The following TGFA variants were observed in gnomAD, a reference collection of about 807,000 sequenced individuals.
The protein encoded by TGFA is protransforming growth factor alpha.
TGFA carries 12 observed loss-of-function variants against 21.7 expected under a neutral mutation model. The ratio of observed to expected loss-of-function variants is 0.55; its 90% confidence interval spans 0.35 to 0.90. The LOEUF (loss-of-function observed/expected upper bound fraction) is 0.90. Among genes scored for constraint, TGFA ranks in the 40% least tolerant of loss-of-function variants. The probability of loss-of-function intolerance (pLI) is 0.01; values close to 1 mark genes in which losing one functional copy is unlikely to be tolerated. For synonymous variants in TGFA, 79 were observed against 88.1 expected, an observed-to-expected ratio of 0.90 and a Z score of 0.58; for missense variants, 178 against 210.8, an observed-to-expected ratio of 0.84 and a Z score of 0.96.
chr2:70,549,301 A>T (rs1226759927), intron 1 of TGFA, among the ~76,000 whole-genome samples: 3 of 152,192 alleles, frequency 2.0e-5, no homozygotes, highest in Non-Finnish European at 4.4e-5. Context: ...TCACGGTGGC[A>T]TTTACAAGCG....
intron 1 of TGFA, among the ~76,000 whole-genome samples, chr2:70,528,259 A>C (rs1672698598): frequency 6.6e-6 from 1 of 152,240 alleles, no homozygotes; most frequent in African/African-American, 2.4e-5. Flanking sequence ...ATTAATTGTA[A>C]CAAACATACT....
chr2:70,471,212 A>C (rs1553493173), intron 2 of TGFA, among the ~76,000 whole-genome samples: 1 of 151,742 alleles, frequency 6.6e-6, no homozygotes, highest in Non-Finnish European at 1.5e-5. Context: ...CAGGAAGTTC[A>C]ATGTGCACCA....
intron 3 of TGFA, among the ~76,000 whole-genome samples, chr2:70,464,761 G>A (rs1670500189): frequency 6.6e-6 from 1 of 152,156 alleles, no homozygotes; most frequent in South Asian, 2.1e-4. Context: ...GCTTTCAACA[G>A]GCTCTGGCCT....
intron 1 of TGFA, among the ~76,000 whole-genome samples, chr2:70,521,107 A>G (rs192315194): frequency 1.3e-5 from 2 of 151,986 alleles, no homozygotes; most frequent in Non-Finnish European, 2.9e-5. Context: ...TAAAAAAAAA[A>G]ATCTTTGCTC....
chr2:70,516,987 C>A (rs1163059943), intron 1 of TGFA, among the ~76,000 whole-genome samples: 3 of 152,150 alleles, frequency 2.0e-5, no homozygotes, highest in African/African-American at 4.8e-5. Flanking sequence ...TAAGCAAAAC[C>A]CAGACAAGAA....
chr2:70,506,577 GTA>G (rs1241740690), intron 2 of TGFA, among the ~76,000 whole-genome samples: 2 of 152,214 alleles, frequency 1.3e-5, no homozygotes, highest in African/African-American at 4.8e-5. Flanking sequence ...GCTTCACACT[GTA>G]TGCATCACCA....
intron 3 of TGFA, among the ~76,000 whole-genome samples, chr2:70,462,598 G>A (rs1363337058): frequency 5.3e-5 from 8 of 152,172 alleles, no homozygotes; most frequent in African/African-American, 1.7e-4. Context: ...GTTCAGGCCC[G>A]GTGTTGCCAT....
intron 2 of TGFA, among the ~76,000 whole-genome samples, chr2:70,513,772 C>G (rs1672178069): frequency 6.6e-6 from 1 of 152,098 alleles, no homozygotes; most frequent in South Asian, 2.1e-4. Flanking sequence ...GAAACCCGCC[C>G]CCTCCCACTG....
intron 1 of TGFA, among the ~76,000 whole-genome samples, chr2:70,545,021 G>T (rs1395653795): frequency 5.3e-5 from 8 of 152,014 alleles, no homozygotes; most frequent in African/African-American, 1.9e-4. Context: ...GAGTATAATT[G>T]GATTGTTTGT....
At chr2:70,535,094 G>A (rs1672932690) in intron 1 of TGFA, among the ~76,000 whole-genome samples, 1 of 152,034 alleles carries the variant, frequency 6.6e-6, no homozygotes, top group South Asian at 2.1e-4. Flanking sequence ...ATTGCTAGGT[G>A]GGTTAAAGGA....
chr2:70,451,258 A>G (rs1670049087), intron 5 of TGFA, among the ~76,000 whole-genome samples: 1 of 152,204 alleles, frequency 6.6e-6, no homozygotes, highest in Non-Finnish European at 1.5e-5. Flanking sequence ...CCCTGAGGCC[A>G]TACAAGAATG....
chr2:70,537,643 A>G lies in TGFA; in HGVS notation c.40+16085T>C, dbSNP rs528684354. ...AAAACTTGCCCTTAAACCAAAGCCTACTCCAGAGTAAGCCCCTAGTTCTTT... is the reference window on the plus strand; with the variant it reads ...AAAACTTGCCCTTAAACCAAAGCCTGCTCCAGAGTAAGCCCCTAGTTCTTT... On this transcript the variant is annotated intron_variant, in intron 1 of 5. Transcript: ENST00000295400. 2.0e-5 allele frequency among the ~76,000 whole-genome samples: 3 copies of G among 152,330 alleles called. No individual in the cohort carries two copies. The South Asian group carries it at 6.2e-4, about 32-fold the overall frequency.
chr2:70,521,170 C>G (rs1426173114), intron 1 of TGFA, among the ~76,000 whole-genome samples: 1 of 152,168 alleles, frequency 6.6e-6, no homozygotes, highest in African/African-American at 2.4e-5. Flanking sequence ...TCTAAGCTCT[C>G]CATGGGCTCT....
intron 2 of TGFA, among the ~76,000 whole-genome samples, chr2:70,494,846 T>C (rs1252788520): frequency 1.3e-5 from 2 of 152,224 alleles, no homozygotes; most frequent in East Asian, 3.8e-4. Context: ...GTTATTGGTG[T>C]GTGAGTTTAT....
intron 2 of TGFA, among the ~76,000 whole-genome samples, chr2:70,485,811 C>A (rs1671254525): frequency 6.6e-6 from 1 of 152,130 alleles, no homozygotes; most frequent in African/African-American, 2.4e-5. Context: ...CAGGCAACCA[C>A]CCCACTCTGG....
Position 70,504,475 on chromosome 2 carries a change from T to TATATATATATATATAC in TGFA, c.94+10383_94+10384insGTATATATATATATAT, listed in dbSNP as rs1559124137. On this transcript the variant is annotated intron_variant, in intron 2 of 5. Coordinates refer to ENST00000295400, the MANE Select transcript of TGFA (RefSeq NM_003236.4). The stretch of plus-strand genomic sequence containing the variant: ...ATATATATATATATACACACATACA[T>TATATATATATATATAC]ACATACATACACACACACACACACA... 1.5e-3 allele frequency among the ~76,000 whole-genome samples: 122 copies of TATATATATATATATAC among 83,788 alleles called. 1 individual carries two copies. Among genetic ancestry groups the TATATATATATATATAC allele is most frequent in the Middle Eastern group, 0.012 (2 of 172 alleles). 55.0% of individuals were successfully genotyped at this position (83,788 alleles called of 152,430 possible). A position where few individuals can be genotyped will look rare whatever the true frequency, so the allele number is the denominator to read the frequency against.
intron 1 of TGFA, among the ~76,000 whole-genome samples, chr2:70,518,622 C>T (rs1672358224): frequency 6.6e-6 from 1 of 152,200 alleles, no homozygotes. Context: ...GCAGGATACC[C>T]CCACTCCAAC....
At chr2:70,505,549 T>G (rs1323861934) in intron 2 of TGFA, among the ~76,000 whole-genome samples, 2 of 152,138 alleles carry the variant, frequency 1.3e-5, no homozygotes, top group African/African-American at 4.8e-5. Context: ...TTCAAGATCT[T>G]AAAGATACCT....
intron 1 of TGFA, among the ~76,000 whole-genome samples, chr2:70,517,555 C>T (rs546974188): frequency 7.9e-5 from 12 of 152,316 alleles, no homozygotes; most frequent in Middle Eastern, 3.4e-3. Context: ...TGCCTCCCAA[C>T]CTTCTGGTCC....
Sources: gnomAD v4.1 joint callset for allele counts (sites outside exome capture counted in the v4.1 genomes callset) on GRCh38, gnomAD v4.1.1 for gene constraint, MANE v1.5 for transcripts, NCBI Gene and HGNC (gene_info 2026-07-23, HGNC 2026-07-21) for gene names.